Variants in SGCD observed in about 807,000 individuals in gnomAD.
SGCD encodes delta-sarcoglycan.
Under a neutral mutation model 36.6 loss-of-function variants are expected in SGCD, and 18 were observed. That is an observed-to-expected ratio of 0.49 (90% CI 0.34 to 0.73). The LOEUF is 0.73. SGCD is among the 30% of genes least tolerant of loss of function. The pLI is 0.01. For missense variants in SGCD, 387 were observed against 346.7 expected, an observed-to-expected ratio of 1.12 and a Z score of -0.92; for synonymous variants, 133 against 130.6, an observed-to-expected ratio of 1.02 and a Z score of -0.12.
intron 4 of SGCD, among the ~76,000 whole-genome samples, chr5:156,564,445 A>G (rs1196268822): frequency 6.6e-6 from 1 of 152,146 alleles, no homozygotes; most frequent in Admixed American, 6.6e-5. Context: ...GCAAGACTCC[A>G]TCTCAAAACA....
chr5:156,675,176 A>G (rs1172246039), intron 7 of SGCD, among the ~76,000 whole-genome samples: 2 of 152,202 alleles, frequency 1.3e-5, no homozygotes, highest in East Asian at 3.8e-4. Flanking sequence ...TTTCTGTCTC[A>G]GTTCCCTCAT....
At chr5:156,204,750 T>C (rs1325126546) in intron 3 of SGCD, among the ~76,000 whole-genome samples, 2 of 152,066 alleles carry the variant, frequency 1.3e-5, no homozygotes, top group Non-Finnish European at 2.9e-5. Flanking sequence ...ACAAACTGGT[T>C]TGTGTTTTTC....
intron 3 of SGCD, among the ~76,000 whole-genome samples, chr5:156,317,128 A>C (rs1767538101): frequency 6.6e-6 from 1 of 152,136 alleles, no homozygotes; most frequent in African/African-American, 2.4e-5. Flanking sequence ...CTTGCTACCA[A>C]AGCGTACCTA....
chr5:155,770,622 G>A, the SGCD span, among the ~76,000 whole-genome samples: 3 of 151,996 alleles, frequency 2.0e-5, no homozygotes, highest in Admixed American at 6.6e-5. Flanking sequence ...AGGGTTTGAA[G>A]CAGGGAGGTG....
chr5:156,364,382 A>G (rs1769978244), intron 3 of SGCD, among the ~76,000 whole-genome samples: 1 of 150,706 alleles, frequency 6.6e-6, no homozygotes. Context: ...TTTTTTTTTA[A>G]TGCGCAATGA....
rs763067309 is a variant in SGCD, at chr5:155,975,609, C to CTTT, written c.-282+105220_-282+105222dup. 7.1e-4 allele frequency among the ~76,000 whole-genome samples: 20 copies of CTTT among 28,026 alleles called. 8 individuals carry two copies. The highest frequency in any genetic ancestry group is 2.6e-3 in the East Asian group (2 of 768). 18.4% of individuals were successfully genotyped at this position (28,026 alleles called of 152,430 possible). A position where few individuals can be genotyped will look rare whatever the true frequency, so the allele number is the denominator to read the frequency against. On this transcript the variant is annotated intron_variant, in intron 1 of 9. Transcript: ENST00000517913. ...TGTGTTATTTATTTTTCTTTCTTTC[C>CTTT]TTTTTTTTTTTTTTTTTTTTTTTTT...
At chr5:155,946,552 T>A (rs2113421287) in intron 1 of SGCD, among the ~76,000 whole-genome samples, 1 of 152,304 alleles carries the variant, frequency 6.6e-6, no homozygotes. Context: ...AGGGTTGTGC[T>A]GTCCCCAATC....
At chr5:156,717,625 T>C (rs1397111747) in intron 7 of SGCD, among the ~76,000 whole-genome samples, 2 of 152,190 alleles carry the variant, frequency 1.3e-5, no homozygotes, top group African/African-American at 2.4e-5. Context: ...TTATTTCATA[T>C]GCAAACCATC....
chr5:156,073,119 T>G (rs539589788), intron 1 of SGCD, among the ~76,000 whole-genome samples: 3 of 152,314 alleles, frequency 2.0e-5, no homozygotes, highest in South Asian at 4.1e-4. Flanking sequence ...CTGAAGAGAA[T>G]ATGGCCATTA....
chr5:156,319,968 T>C (rs1327901293), intron 3 of SGCD, among the ~76,000 whole-genome samples: 2 of 152,252 alleles, frequency 1.3e-5, no homozygotes, highest in African/African-American at 4.8e-5. Flanking sequence ...GCAACTACTA[T>C]GTGCCAGCCA....
At chr5:156,653,493 C>CATTTTTTTTTTTTTT (rs1763544606) in intron 7 of SGCD, among the ~76,000 whole-genome samples, 1 of 48,082 alleles carries the variant, frequency 2.1e-5, no homozygotes, top group East Asian at 9.4e-4. Flanking sequence ...CTAAAGCTTG[C>CATTTTTTTTTTTTTT]TTTTTTTTTT....
chr5:156,449,677 C>CAAAAAAAAAAAA (rs397883573), intron 3 of SGCD, among the ~76,000 whole-genome samples: 55 of 45,858 alleles, frequency 1.2e-3, no homozygotes, highest in East Asian at 1.5e-3. Context: ...ACTAAAAATA[C>CAAAAAAAAAAAA]AAAAAAAAAA....
chr5:155,758,710 A>C, the SGCD span, among the ~76,000 whole-genome samples: 1 of 152,168 alleles, frequency 6.6e-6, no homozygotes, highest in Non-Finnish European at 1.5e-5. Flanking sequence ...TGAAGATCTG[A>C]AGTAGAACAG....
the SGCD span, among the ~76,000 whole-genome samples, chr5:155,844,421 T>G: frequency 6.6e-4 from 96 of 144,572 alleles, no homozygotes; most frequent in African/African-American, 2.2e-3. Flanking sequence ...TGCTAAGGCT[T>G]TGTGTGTGTG....
intron 3 of SGCD, among the ~76,000 whole-genome samples, chr5:156,188,176 T>C (rs1021425610): frequency 2.6e-5 from 4 of 152,192 alleles, no homozygotes; most frequent in African/African-American, 7.2e-5. Context: ...TTCATTCTTT[T>C]ACTCATTAGA....
chr5:156,040,227 T>C (rs1759601702), intron 1 of SGCD, among the ~76,000 whole-genome samples: 1 of 152,160 alleles, frequency 6.6e-6, no homozygotes, highest in Non-Finnish European at 1.5e-5. Flanking sequence ...GCTAGATAAT[T>C]TTATGGGAAT....
intron 3 of SGCD, among the ~76,000 whole-genome samples, chr5:156,387,084 G>A (rs761563477): frequency 8.5e-5 from 13 of 152,154 alleles, no homozygotes; most frequent in Non-Finnish European, 1.6e-4. Context: ...AAATCAAGAA[G>A]GCCTTGGGGA....
the SGCD span, among the ~76,000 whole-genome samples, chr5:155,857,541 A>G: frequency 1.3e-5 from 2 of 152,226 alleles, no homozygotes; most frequent in African/African-American, 2.4e-5. Flanking sequence ...CAAAATAAAA[A>G]GTATATATTT....
At chr5:156,044,104 G>T (rs1759705655) in intron 1 of SGCD, among the ~76,000 whole-genome samples, 1 of 152,132 alleles carries the variant, frequency 6.6e-6, no homozygotes, top group East Asian at 1.9e-4. Context: ...GTTTGCTCTG[G>T]ACTGGGGAAG....
Sources: gnomAD v4.1 joint callset for allele counts (sites outside exome capture counted in the v4.1 genomes callset) on GRCh38, gnomAD v4.1.1 for gene constraint, MANE v1.5 for transcripts, NCBI Gene and HGNC (gene_info 2026-07-23, HGNC 2026-07-21) for gene names.